The following IGSF6 variants were observed in gnomAD, a reference collection of about 807,000 sequenced individuals.
The protein encoded by IGSF6 is immunoglobulin superfamily member 6, also known as down-regulated by activation (immunoglobulin superfamily).
Under a neutral mutation model 24.7 loss-of-function variants are expected in IGSF6, and 23 were observed. The ratio of observed to expected loss-of-function variants is 0.93; its 90% CI spans 0.67 to 1.32. The LOEUF is 1.32. Ranked by LOEUF, IGSF6 falls within the 40% of genes most tolerant of loss-of-function variation. The probability of loss-of-function intolerance (pLI) is 0.00; values close to 1 mark genes in which losing one functional copy is unlikely to be tolerated. For missense variants in IGSF6, 295 were observed against 293.6 expected, an observed-to-expected ratio of 1.00 and a Z score of -0.04; for synonymous variants, 110 against 113.7, an observed-to-expected ratio of 0.97 and a Z score of 0.21.
In IGSF6 at chr16:21,639,639, A is replaced by C. The variant is rs1276848252; in HGVS notation, c.*1895T>G. Reference sequence around the variant, plus strand: ...TTTAATTTGTTTTTGTGTATAAGGTACAAAGGTACATTTTCATGCATATAC... The same window carrying C: ...TTTAATTTGTTTTTGTGTATAAGGTCCAAAGGTACATTTTCATGCATATAC... On this transcript the variant is annotated 3_prime_UTR_variant, in exon 6 of 6. Coordinates refer to ENST00000268389, the MANE Select transcript of IGSF6 (RefSeq NM_005849.4). 5 of 152,206 alleles carry C rather than the reference A, an allele frequency of 3.3e-5. No individual in the cohort carries two copies. The highest frequency in any genetic ancestry group is 9.7e-5 in the African/African-American group (4 of 41,446). The allele number at this position is 152,206 out of a possible 1,614,324, so 9.4% of individuals were successfully genotyped here.
At position 21,647,263 on chromosome 16, in the gene IGSF6, G is replaced by C; in HGVS notation, c.297C>G (p.Asn99Lys). Residue 99 changes from asparagine (N) to lysine (K), a missense_variant, in exon 2 of 6, where the codon AAC becomes AAG. Transcript: ENST00000268389. ...KFTVREALKE[N>K]QVSLTVNRVT... ...CTCTGTTTACAGTGAGGGAAACTTG[G>C]TTTTCTTTGAGGGCCTCCCTCACTG... The C allele has an allele frequency of 3.7e-6, 6 of 1,614,182 alleles. No homozygotes were observed. Among genetic ancestry groups the C allele is most frequent in the Non-Finnish European group, 5.1e-6 (6 of 1,180,032 alleles).
intron 1 of IGSF6, 177 bp downstream of exon 1, chr16:21,652,355 C>G: frequency 2.1e-6 from 1 of 487,026 alleles, no homozygotes; most frequent in Non-Finnish European, 3.6e-6. Flanking sequence ...AACTTTTTCT[C>G]AGCTATTTTT....
rs1269458687 is a variant in IGSF6 at position 21,639,920 on chromosome 16, C to T, written c.*1614G>A. 1 of 147,448 alleles carries T rather than the reference C, an allele frequency of 6.8e-6. No individual in the cohort carries two copies. Among genetic ancestry groups the T allele is most frequent in the African/African-American group, 2.4e-5 (1 of 40,918 alleles). The allele number at this position is 147,448 out of a possible 1,614,324, so 9.1% of individuals were successfully genotyped here. ...AGGCAATACCAGTTTAAAAGAAACACTTTATTTTATTTATTTATTTATTTA... is the reference window on the plus strand; with the variant it reads ...AGGCAATACCAGTTTAAAAGAAACATTTTATTTTATTTATTTATTTATTTA... On this transcript the variant is annotated 3_prime_UTR_variant, in exon 6 of 6. Coordinates refer to ENST00000268389, the MANE Select transcript of IGSF6 (RefSeq NM_005849.4).
intron 2 of IGSF6, 50 bp from the exon 3 acceptor site, chr16:21,644,446 T>C (rs1486475867): frequency 7.8e-7 from 1 of 1,279,084 alleles, no homozygotes; most frequent in Non-Finnish European, 1.1e-6. Flanking sequence ...AGCCTATTCT[T>C]TCAAATACAT....
At chr16:21,651,140 G>C (rs1044058633) in intron 1 of IGSF6, among the ~76,000 whole-genome samples, 1 of 152,036 alleles carries the variant, frequency 6.6e-6, no homozygotes, top group Non-Finnish European at 1.5e-5. Context: ...GGAGAATGGC[G>C]TGAACCCGGG....
chr16:21,649,050 G>A (rs1197634486), intron 1 of IGSF6, among the ~76,000 whole-genome samples: 2 of 152,058 alleles, frequency 1.3e-5, no homozygotes, highest in Admixed American at 1.3e-4. Context: ...GAGTGCAATG[G>A]TGCAATCACG....
chr16:21,647,466 C>A lies in IGSF6; in HGVS notation c.94G>T (p.Val32Phe), dbSNP rs761553423. Residue 32 changes from valine to phenylalanine, a missense_variant, in exon 2 of 6, where the codon GTC becomes TTC. Physicochemically the swap from Val to Phe is conservative, Grantham distance 50 (BLOSUM62 -1). Coordinates refer to ENST00000268389, the MANE Select transcript of IGSF6 (RefSeq NM_005849.4). ...VGAVGACTLS[V>F]TQPWYLEVDY... ...ACTTCTAGGTACCACGGTTGTGTGA[C>A]AGAGAGAGTACAGGCGCCCACAGCA... 7.4e-6 allele frequency: 12 copies of A among 1,613,780 alleles called. No individual in the cohort carries two copies. The South Asian group carries it at 1.3e-4, about 18-fold the overall frequency.
In IGSF6 at chr16:21,639,668, A is replaced by C. The variant is rs904262631; in HGVS notation, c.*1866T>G. ...AGGTACATTTTCATGCATATACCGT[A>C]TACAAAACACATGTGGCCCCACACA... On this transcript the variant is annotated 3_prime_UTR_variant, in exon 6 of 6. Coordinates refer to ENST00000268389, the MANE Select transcript of IGSF6 (RefSeq NM_005849.4). 1.3e-5 allele frequency: 2 copies of C among 152,182 alleles called. No individual in the cohort carries two copies. The highest frequency in any genetic ancestry group is 4.8e-5 in the African/African-American group (2 of 41,432). 9.4% of individuals were successfully genotyped at this position (152,182 alleles called of 1,614,324 possible).
At chr16:21,652,247 G>T in intron 1 of IGSF6, 2 of 264,222 alleles carry the variant, frequency 7.6e-6, no homozygotes. Flanking sequence ...TTAAATTATT[G>T]ATAACTTATA....
chr16:21,650,783 G>A (rs1376589355), intron 1 of IGSF6, among the ~76,000 whole-genome samples: 2 of 152,146 alleles, frequency 1.3e-5, no homozygotes, highest in Non-Finnish European at 2.9e-5. Flanking sequence ...GTTTGGATAT[G>A]TCACACCACA....
rs1161229294 is a variant in IGSF6 at position 21,644,318 on chromosome 16, A to G, written c.506T>C (p.Val169Ala). The G allele has an allele frequency of 1.2e-6, 2 of 1,613,834 alleles. No individual in the cohort carries two copies. Among genetic ancestry groups the G allele is most frequent in the East Asian group, 2.2e-5 (1 of 44,886 alleles). ...GGAGAGGAGTATGAAGGCCACGCAC[A>G]CACCGGTCACATAGACAGAGAGCAG... ...VSLLSVYVTGVCVAFILLSKS... is the reference protein window; with the variant it reads ...VSLLSVYVTGACVAFILLSKS... Residue 169 changes from valine to alanine, a missense_variant, in exon 3 of 6, where the codon GTG becomes GCG. By Grantham distance (64) the Val-to-Ala change is moderately conservative. Transcript: ENST00000268389.
At chr16:21,645,698 C>T (rs1966404358) in intron 2 of IGSF6, among the ~76,000 whole-genome samples, 1 of 152,190 alleles carries the variant, frequency 6.6e-6, no homozygotes, top group African/African-American at 2.4e-5. Flanking sequence ...TTGAGACCTT[C>T]ATCTTTTTAC....
rs1202525424 is a variant in IGSF6 at position 21,639,664 on chromosome 16, C to A, written c.*1870G>T. On this transcript the variant is annotated 3_prime_UTR_variant, in exon 6 of 6. Transcript: ENST00000268389. ...ACAAAGGTACATTTTCATGCATATA[C>A]CGTATACAAAACACATGTGGCCCCA... 1 of 152,078 alleles carries A rather than the reference C, an allele frequency of 6.6e-6. No homozygotes were observed. Among genetic ancestry groups the A allele is most frequent in the Non-Finnish European group, 1.5e-5 (1 of 68,016 alleles). The allele number at this position is 152,078 out of a possible 1,614,324, so 9.4% of individuals were successfully genotyped here.
chr16:21,649,743 C>T (rs941950894), intron 1 of IGSF6, among the ~76,000 whole-genome samples: 7 of 152,146 alleles, frequency 4.6e-5, no homozygotes, highest in Admixed American at 1.3e-4. Flanking sequence ...CCCACTGTGT[C>T]GCCCAAACTG....
Position 21,647,226 on chromosome 16 carries a change from C to T in IGSF6, c.334G>A (p.Asp112Asn), listed in dbSNP as rs1287529022. The stretch of plus-strand genomic sequence containing the variant: ...ATTCCACAGATGTAAATTGCACTGT[C>T]ATTTGAAGTCACTCTGTTTACAGTG... ...SLTVNRVTSNDSAIYICGIAF... is the reference protein window; with the variant it reads ...SLTVNRVTSNNSAIYICGIAF... The change falls in exon 2 of 6, where the codon GAC becomes AAC. Residue 112 changes from aspartate (D) to asparagine (N), a missense_variant. By Grantham distance (23) the Asp-to-Asn change is conservative. Coordinates refer to ENST00000268389, the MANE Select transcript of IGSF6 (RefSeq NM_005849.4). The T allele has an allele frequency of 8.7e-6, 14 of 1,614,046 alleles. No homozygotes were observed. In the Admixed American group the frequency reaches 2.3e-4, roughly 27 times the overall value.
intron 2 of IGSF6, among the ~76,000 whole-genome samples, chr16:21,645,171 G>A (rs905636022): frequency 6.6e-6 from 1 of 152,176 alleles, no homozygotes; most frequent in Non-Finnish European, 1.5e-5. Flanking sequence ...CCATAGATGA[G>A]ACTGAGTGTG....
Position 21,639,925 on chromosome 16 carries a change from T to TTTA in IGSF6, c.*1608_*1609insTAA, listed in dbSNP as rs1966203724. On this transcript the variant is annotated 3_prime_UTR_variant, in exon 6 of 6. Transcript: ENST00000268389. Reference sequence around the variant, plus strand: ...ATACCAGTTTAAAAGAAACACTTTATTTTATTTATTTATTTATTTATTTAT... The same window carrying TTTA: ...ATACCAGTTTAAAAGAAACACTTTATTTATTTATTTATTTATTTATTTATTTAT... 1 of 151,142 alleles carries TTTA rather than the reference T, an allele frequency of 6.6e-6. No homozygotes were observed. The highest frequency in any genetic ancestry group is 6.6e-5 in the Admixed American group (1 of 15,140). 9.4% of individuals were successfully genotyped at this position (151,142 alleles called of 1,614,324 possible).
intron 5 of IGSF6, 35 bp from the exon 6 acceptor site, chr16:21,641,628 G>A (rs764814598): frequency 2.1e-6 from 3 of 1,414,450 alleles, no homozygotes; most frequent in Non-Finnish European, 3.0e-6. Flanking sequence ...CCATGTTTAA[G>A]GTTATGTAAC....
intron 5 of IGSF6, among the ~76,000 whole-genome samples, chr16:21,642,635 A>G (rs1966302078): frequency 6.6e-6 from 1 of 152,204 alleles, no homozygotes; most frequent in Non-Finnish European, 1.5e-5. Context: ...GTTTTTTAAT[A>G]TCATTAGCTG....
Sources: gnomAD v4.1 joint callset for allele counts (sites outside exome capture counted in the v4.1 genomes callset) on GRCh38, gnomAD v4.1.1 for gene constraint, MANE v1.5 for transcripts, NCBI Gene and HGNC (gene_info 2026-07-23, HGNC 2026-07-21) for gene names.